The following RAD51B variants were observed in gnomAD, a reference collection of about 807,000 sequenced individuals.
RAD51B encodes the protein RAD51 paralog B, also known as DNA repair protein RAD51 homolog 2.
A neutral mutation model predicts 42.2 loss-of-function variants in RAD51B; 38 were observed. The ratio of observed to expected loss-of-function variants is 0.90; its 90% CI spans 0.70 to 1.18. The LOEUF is 1.18. RAD51B is among the 50% of genes most tolerant of loss of function. The pLI is 0.00. For missense variants in RAD51B, 373 were observed against 400.7 expected, an observed-to-expected ratio of 0.93 and a Z score of 0.59; for synonymous variants, 154 against 145.2, an observed-to-expected ratio of 1.06 and a Z score of -0.43.
chr14:67,921,481 T>G (rs17104774), intron 7 of RAD51B, among the ~76,000 whole-genome samples: 9,073 of 152,052 alleles, frequency 0.06, 634 homozygotes, highest in African/African-American at 0.17. Flanking sequence ...AATGTTCTAG[T>G]TGATGTGAGA....
At chr14:68,438,496 A>G (rs973087201) in intron 9 of RAD51B, among the ~76,000 whole-genome samples, 2 of 152,146 alleles carry the variant, frequency 1.3e-5, no homozygotes, top group African/African-American at 4.8e-5. Context: ...TGGACAGTGT[A>G]TGGCTGCTTC....
In RAD51B at chr14:68,025,361, A is replaced by G. The variant is rs565908530; in HGVS notation, c.756+138157A>G. On this transcript the variant is annotated intron_variant, in intron 7 of 10. Transcript: ENST00000471583. ...TATCAGGTAATGCTGGCTTCATAGA[A>G]TGAGTTATGGAGGAGTCCCTCTTCC... is the stretch of plus-strand genomic sequence containing the variant. Among the ~76,000 whole-genome samples, 4 of 152,062 alleles carry G rather than the reference A, an allele frequency of 2.6e-5. No individual in the cohort carries two copies. In the South Asian group the frequency reaches 6.2e-4, roughly 24 times the overall value.
At position 68,145,615 on chromosome 14, in the gene RAD51B, C is replaced by G. The variant is rs567706543; in HGVS notation, c.757-146269C>G. Among the ~76,000 whole-genome samples the G allele has an allele frequency of 5.9e-5, 9 of 152,272 alleles. No homozygotes were observed. In the South Asian group the frequency reaches 1.9e-3, roughly 32 times the overall value. ...TCATTATTGGGTATTCTGAGCCTCT[C>G]TTGTTCAGTAGTATTTTCTTGAAGT... On this transcript the variant is annotated intron_variant, in intron 7 of 10. Coordinates refer to ENST00000471583, the MANE Select transcript of RAD51B (RefSeq NM_133510.4).
At chr14:67,971,590 A>G (rs2074899402) in intron 7 of RAD51B, among the ~76,000 whole-genome samples, 1 of 152,136 alleles carries the variant, frequency 6.6e-6, no homozygotes, top group South Asian at 2.1e-4. Context: ...GAAAATGGAA[A>G]GATGGGAATG....
At chr14:68,582,294 A>C (rs1228167602) in intron 10 of RAD51B, among the ~76,000 whole-genome samples, 3 of 152,232 alleles carry the variant, frequency 2.0e-5, no homozygotes, top group Non-Finnish European at 1.5e-5. Context: ...TCTACAAAAA[A>C]CTTAAACTAA....
chr14:68,572,210 T>C (rs1322016137), intron 10 of RAD51B, among the ~76,000 whole-genome samples: 2 of 152,206 alleles, frequency 1.3e-5, no homozygotes, highest in African/African-American at 2.4e-5. Flanking sequence ...AATCCAGATA[T>C]ACTAGTGGGT....
intron 7 of RAD51B, among the ~76,000 whole-genome samples, chr14:67,928,912 G>A (rs1186198843): frequency 6.6e-6 from 1 of 151,852 alleles, no homozygotes; most frequent in South Asian, 2.1e-4. Context: ...ATTCATAATA[G>A]TCTCTGATGA....
chr14:67,926,138 G>C (rs762426650), intron 7 of RAD51B, among the ~76,000 whole-genome samples: 3 of 152,198 alleles, frequency 2.0e-5, no homozygotes, highest in African/African-American at 7.2e-5. Flanking sequence ...TCTGCAGCCA[G>C]CTTGGATTTC....
At chr14:68,603,367 G>T (rs972710699) in intron 10 of RAD51B, among the ~76,000 whole-genome samples, 1 of 152,186 alleles carries the variant, frequency 6.6e-6, no homozygotes, top group Non-Finnish European at 1.5e-5. Context: ...CAGGAAGGGT[G>T]GAAATAGCTC....
At chr14:68,407,372 T>C (rs989900677) in intron 8 of RAD51B, among the ~76,000 whole-genome samples, 7 of 152,244 alleles carry the variant, frequency 4.6e-5, no homozygotes, top group African/African-American at 1.4e-4. Flanking sequence ...TTATGTACTA[T>C]GCATAACTGT....
chr14:68,509,706 T>C (rs765166484), intron 10 of RAD51B, among the ~76,000 whole-genome samples: 15 of 152,160 alleles, frequency 9.9e-5, no homozygotes, highest in Non-Finnish European at 1.9e-4. Flanking sequence ...TCAGCAAATG[T>C]TTACTGTAAA....
chr14:68,263,974 C>T (rs1010732290), intron 7 of RAD51B, among the ~76,000 whole-genome samples: 13 of 152,206 alleles, frequency 8.5e-5, no homozygotes, highest in South Asian at 2.1e-4. Flanking sequence ...TTCTAACTGC[C>T]TTACACTTTT....
intron 8 of RAD51B, among the ~76,000 whole-genome samples, chr14:68,389,309 T>C (rs1300604851): frequency 1.3e-5 from 2 of 148,730 alleles, no homozygotes; most frequent in African/African-American, 4.9e-5. Context: ...CAAAGGTAAC[T>C]AACTACTATC....
intron 7 of RAD51B, among the ~76,000 whole-genome samples, chr14:68,285,240 G>A (rs1184475766): frequency 2.6e-5 from 4 of 152,164 alleles, no homozygotes; most frequent in Non-Finnish European, 5.9e-5. Context: ...ACCCTTAACA[G>A]AGCCAGGATT....
intron 9 of RAD51B, among the ~76,000 whole-genome samples, chr14:68,425,972 C>CTTTT (rs35944423): frequency 8.3e-6 from 1 of 121,008 alleles, no homozygotes; most frequent in South Asian, 2.7e-4. Flanking sequence ...TTCTTTCTTT[C>CTTTT]TTTCTTCCTT....
chr14:68,444,149 A>G (rs1274683009), intron 9 of RAD51B, among the ~76,000 whole-genome samples: 1 of 152,188 alleles, frequency 6.6e-6, no homozygotes. Context: ...ATGTTCAGTT[A>G]CCTGCTGACT....
At chr14:68,591,415 C>A (rs1324164553) in intron 10 of RAD51B, among the ~76,000 whole-genome samples, 2 of 152,254 alleles carry the variant, frequency 1.3e-5, no homozygotes, top group Admixed American at 6.5e-5. Flanking sequence ...GGAGCCACCT[C>A]ATTGGCTTTT....
intron 8 of RAD51B, among the ~76,000 whole-genome samples, chr14:68,403,390 T>C (rs974968433): frequency 7.9e-5 from 12 of 152,180 alleles, no homozygotes; most frequent in Non-Finnish European, 1.6e-4. Context: ...TTTTCTGTTA[T>C]GCACTAGAGA....
chr14:67,880,884 A>T (rs1323682652), intron 5 of RAD51B, among the ~76,000 whole-genome samples: 1 of 152,158 alleles, frequency 6.6e-6, no homozygotes, highest in African/African-American at 2.4e-5. Context: ...GTTATGGAAA[A>T]ATCCCAGGTA....
Sources: allele counts gnomAD v4.1 joint callset (sites outside exome capture counted in the v4.1 genomes callset), GRCh38; gene constraint gnomAD v4.1.1; transcripts MANE v1.5; gene names NCBI Gene and HGNC (gene_info 2026-07-23, HGNC 2026-07-21).